AOX1: variants seen among roughly 807,000 people sequenced by gnomAD.
AOX1 encodes aldehyde oxidase.
Under a neutral mutation model 169.5 loss-of-function variants are expected in AOX1, and 153 were observed. The observed-to-expected ratio is 0.90, with a 90% CI of 0.79 to 1.03. AOX1 has a LOEUF of 1.03. Ranked by LOEUF, AOX1 falls within the 50% of genes least tolerant of loss-of-function variation. The pLI, the probability that AOX1 is intolerant of heterozygous loss-of-function variation, is 0.00. For synonymous variants in AOX1, 562 were observed against 581.9 expected, an observed-to-expected ratio of 0.97 and a Z score of 0.49; for missense variants, 1,656 against 1,663.9, an observed-to-expected ratio of 1.00 and a Z score of 0.08.
In AOX1 at chr2:200,621,206, G is replaced by A. The variant is rs1385782137; in HGVS notation, c.1961G>A (p.Cys654Tyr). The change falls in exon 18 of 35, where the codon TGC becomes TAC. Residue 654 changes from cysteine to tyrosine, a missense_variant. Transcript: ENST00000374700. ...CATCTTAGTGACGTCAACTCCTTCT[G>A]CTTTTTTACTGAAGCTGAGAAATTT... is the stretch of plus-strand genomic sequence containing the variant. ...AEHLSDVNSF[C>Y]FFTEAEKFLA... The A allele has an allele frequency of 9.3e-6, 15 of 1,613,864 alleles. No individual in the cohort carries two copies. Among genetic ancestry groups the A allele is most frequent in the Non-Finnish European group, 1.3e-5 (15 of 1,179,988 alleles).
intron 22 of AOX1, 151 bp downstream of exon 22, chr2:200,637,195 T>C: frequency 1.0e-6 from 1 of 957,072 alleles, no homozygotes; most frequent in East Asian, 2.7e-5. Flanking sequence ...TACACTTACT[T>C]GTCTTATATT....
intron 13 of AOX1, 140 bp downstream of exon 13, chr2:200,611,633 C>T: frequency 1.6e-6 from 1 of 614,136 alleles, no homozygotes. Context: ...GGTATGAGGT[C>T]ATTATTTTAA....
intron 28 of AOX1, 145 bp downstream of exon 28, chr2:200,659,438 G>A (rs761652468): frequency 1.9e-5 from 16 of 835,974 alleles, no homozygotes; most frequent in Non-Finnish European, 2.9e-5. Context: ...AGCACCCAGT[G>A]GTTCTCCTGT....
intron 21 of AOX1, among the ~76,000 whole-genome samples, chr2:200,635,849 G>A (rs1277259107): frequency 6.6e-6 from 1 of 152,138 alleles, no homozygotes; most frequent in African/African-American, 2.4e-5. Context: ...AGAGGAGTAG[G>A]AATGTGAGAC....
intron 20 of AOX1, among the ~76,000 whole-genome samples, chr2:200,634,027 C>A (rs1474660720): frequency 6.6e-6 from 1 of 152,070 alleles, no homozygotes; most frequent in East Asian, 1.9e-4. Context: ...CCTACTCAAC[C>A]TTCACAGTAG....
intron 27 of AOX1, among the ~76,000 whole-genome samples, chr2:200,657,665 T>C (rs981271915): frequency 2.6e-5 from 4 of 152,230 alleles, no homozygotes; most frequent in African/African-American, 9.6e-5. Context: ...GAACAATTGC[T>C]AATATAAATC....
At chr2:200,656,705 G>T in intron 26 of AOX1, 137 bp from the exon 27 acceptor site, 3 of 468,718 alleles carry the variant, frequency 6.4e-6, no homozygotes, top group Non-Finnish European at 1.1e-5. Flanking sequence ...ACCCCAAAAA[G>T]AAACCTAAAA....
intron 22 of AOX1, 68 bp from the exon 23 acceptor site, chr2:200,638,147 T>G (rs2035275841): frequency 1.4e-6 from 2 of 1,450,646 alleles, no homozygotes; most frequent in Non-Finnish European, 9.6e-7. Context: ...TTGCCAGGAG[T>G]TATATAAACC....
chr2:200,624,406 G>A (rs894795410), intron 19 of AOX1, among the ~76,000 whole-genome samples: 1 of 152,176 alleles, frequency 6.6e-6, no homozygotes, highest in Admixed American at 6.5e-5. Flanking sequence ...AGGAGTTGGG[G>A]TCAGGTTTCT....
intron 31 of AOX1, among the ~76,000 whole-genome samples, chr2:200,663,596 T>TCTCTCTCTCC (rs141563329): frequency 1.3e-4 from 19 of 147,926 alleles, no homozygotes; most frequent in African/African-American, 4.8e-4. Flanking sequence ...TCTCTCTCTC[T>TCTCTCTCTCC]CCCCCTCTTT....
chr2:200,618,706 A>C (rs1195218093), intron 16 of AOX1, among the ~76,000 whole-genome samples: 1 of 151,908 alleles, frequency 6.6e-6, no homozygotes, highest in East Asian at 1.9e-4. Flanking sequence ...GTGAGTGGGG[A>C]GCACTCTTCT....
At chr2:200,587,718 CATT>C (rs945471428) in intron 1 of AOX1, among the ~76,000 whole-genome samples, 13 of 152,274 alleles carry the variant, frequency 8.5e-5, no homozygotes, top group African/African-American at 2.9e-4. Context: ...AGATGATTGA[CATT>C]ATGTCATTTT....
intron 1 of AOX1, among the ~76,000 whole-genome samples, 193 bp from the exon 2 acceptor site, chr2:200,592,953 A>G (rs1255220873): frequency 5.3e-5 from 8 of 152,150 alleles, no homozygotes; most frequent in Non-Finnish European, 7.4e-5. Flanking sequence ...CAGGAGCACA[A>G]TTGTGGTGGG....
At chr2:200,638,819 A>C (rs572255946) in intron 23 of AOX1, among the ~76,000 whole-genome samples, 1 of 152,206 alleles carries the variant, frequency 6.6e-6, no homozygotes, top group Non-Finnish European at 1.5e-5. Context: ...TACTTCTCAG[A>C]GTGGGCTAAC....
chr2:200,673,663 G>A (rs1442482561), downstream of AOX1, among the ~76,000 whole-genome samples: 1 of 152,200 alleles, frequency 6.6e-6, no homozygotes, highest in East Asian at 1.9e-4. Flanking sequence ...ACATGCACAT[G>A]CACACACAAA....
rs138902600 is a variant in AOX1 at position 200,639,977 on chromosome 2, C to T, written c.2569-1121C>T. On this transcript the variant is annotated intron_variant, in intron 23 of 34. Transcript: ENST00000374700. ...GCTTGAACCTGGGAGGCAGAGGTTG[C>T]AGTGAGCCAAAATCGCGCCACTGCA... 2.7e-3 allele frequency among the ~76,000 whole-genome samples: 398 copies of T among 146,324 alleles called. 9 individuals carry two copies. In the East Asian group the frequency reaches 0.033, roughly 12 times the overall value.
chr2:200,655,329 A>G (rs1247905245), intron 26 of AOX1, among the ~76,000 whole-genome samples: 1 of 152,174 alleles, frequency 6.6e-6, no homozygotes. Flanking sequence ...ATCACCTGAC[A>G]TCTGATGCAT....
chr2:200,609,198 A>G, intron 11 of AOX1, 63 bp downstream of exon 11: 1 of 1,599,864 alleles, frequency 6.3e-7, no homozygotes, highest in South Asian at 1.1e-5. Flanking sequence ...CTGATGAATC[A>G]TGACATTTTC....
intron 1 of AOX1, 146 bp from the exon 2 acceptor site, chr2:200,593,000 C>A: frequency 1.5e-6 from 1 of 646,772 alleles, no homozygotes; most frequent in Non-Finnish European, 2.8e-6. Context: ...GTTTGCATAT[C>A]ACAGCTGTTC....
Sources: allele counts gnomAD v4.1 joint callset (sites outside exome capture counted in the v4.1 genomes callset), GRCh38; gene constraint gnomAD v4.1.1; transcripts MANE v1.5; gene names NCBI Gene and HGNC (gene_info 2026-07-23, HGNC 2026-07-21).